MYO3B: variants seen among roughly 807,000 people sequenced by gnomAD.
MYO3B encodes myosin IIIB, also known as myosin-IIIb.
Under a neutral mutation model 174.6 loss-of-function variants are expected in MYO3B, and 156 were observed. The ratio of observed to expected loss-of-function variants is 0.89; its 90% CI spans 0.78 to 1.02. The LOEUF (loss-of-function observed/expected upper bound fraction) is 1.02. MYO3B is among the 50% of genes least tolerant of loss of function. The pLI is 0.00. For synonymous variants in MYO3B, 563 were observed against 569.1 expected (o/e 0.99, Z 0.15); for missense variants, 1,632 against 1,639.4 (o/e 1.00, Z 0.08).
In MYO3B at chr2:170,369,247, C is replaced by T. The variant is rs375096596; in HGVS notation, c.841C>T (p.Arg281Ter). The T allele has an allele frequency of 1.7e-5, 27 of 1,612,778 alleles. No homozygotes were observed. The highest frequency in any genetic ancestry group is 1.6e-4 in the Middle Eastern group (1 of 6,080). ...SQCLIKDFER[R>*]PSVTHLLDHP... ...GTGTCTTATTAAGGATTTTGAAAGG[C>T]GACCTTCCGTCACACATCTCCTTGA... The change falls in exon 9 of 35, where the codon CGA becomes TGA. Residue 281 changes from arginine (R) to a stop codon, truncating the protein, a stop_gained. Coordinates refer to ENST00000408978, the MANE Select transcript of MYO3B (RefSeq NM_138995.5). LOFTEE classifies it high-confidence loss of function.
At chr2:170,639,340 G>A (rs950023782) in intron 32 of MYO3B, among the ~76,000 whole-genome samples, 4 of 152,178 alleles carry the variant, frequency 2.6e-5, no homozygotes, top group Non-Finnish European at 5.9e-5. Context: ...TTTAAAAGCT[G>A]AGTTAATGCT....
At chr2:170,441,588 T>C (rs559969802) in intron 22 of MYO3B, among the ~76,000 whole-genome samples, 1 of 152,344 alleles carries the variant, frequency 6.6e-6, no homozygotes, top group Admixed American at 6.5e-5. Flanking sequence ...TTTATGGTTA[T>C]TTCTTGATTA....
At chr2:170,450,559 T>TC (rs1401751152) in intron 23 of MYO3B, among the ~76,000 whole-genome samples, 4 of 150,418 alleles carry the variant, frequency 2.7e-5, no homozygotes, top group African/African-American at 9.7e-5. Context: ...CTCTTCTCTC[T>TC]CCCCTCCCTT....
chr2:170,646,120 A>C (rs1016912976), intron 32 of MYO3B, among the ~76,000 whole-genome samples: 5 of 151,822 alleles, frequency 3.3e-5, no homozygotes, highest in African/African-American at 1.2e-4. Context: ...AAAAATACAA[A>C]ATTAGCCGGG....
At chr2:170,557,846 C>T (rs1251420452) in intron 32 of MYO3B, among the ~76,000 whole-genome samples, 1 of 152,180 alleles carries the variant, frequency 6.6e-6, no homozygotes, top group Non-Finnish European at 1.5e-5. Flanking sequence ...TTCCAGCCGT[C>T]TGCCCATTCT....
intron 12 of MYO3B, among the ~76,000 whole-genome samples, chr2:170,384,188 C>A (rs1574890032): frequency 6.6e-6 from 1 of 152,094 alleles, no homozygotes; most frequent in Admixed American, 6.6e-5. Context: ...CTATTAAGGT[C>A]TTAGAATTTT....
At chr2:170,609,542 G>T (rs6754542) in intron 32 of MYO3B, among the ~76,000 whole-genome samples, 29,883 of 152,122 alleles carry the variant, frequency 0.2, 3,657 homozygotes, top group East Asian at 0.43. Flanking sequence ...AGTTACTTAT[G>T]TGTAAGGACT....
At position 170,478,063 on chromosome 2, in the gene MYO3B, G is replaced by T. The variant is rs534398841; in HGVS notation, c.3014+11352G>T. ...AAAAGGAGCAGGATGAATGGCTAAG[G>T]CAGCCACGTCTCTACTATTTTTTAT... On this transcript the variant is annotated intron_variant, in intron 25 of 34. Coordinates refer to ENST00000408978, the MANE Select transcript of MYO3B (RefSeq NM_138995.5). Among the ~76,000 whole-genome samples, 3 of 152,274 alleles carry T rather than the reference G, an allele frequency of 2.0e-5. No individual in the cohort carries two copies. In the South Asian group the frequency reaches 6.2e-4, roughly 32 times the overall value.
chr2:170,408,999 A>G (rs1342879528), intron 22 of MYO3B, among the ~76,000 whole-genome samples: 2 of 152,184 alleles, frequency 1.3e-5, no homozygotes, highest in African/African-American at 4.8e-5. Context: ...TCCTTACCAG[A>G]GACCCAGGGA....
intron 8 of MYO3B, among the ~76,000 whole-genome samples, chr2:170,356,420 C>T (rs914472013): frequency 7.9e-5 from 12 of 150,964 alleles, no homozygotes; most frequent in East Asian, 2.0e-4. Context: ...TGGAGTACAA[C>T]GGCATGATCT....
chr2:170,453,435 CACACACACACACACACACGA>C (rs1371267856), intron 23 of MYO3B, among the ~76,000 whole-genome samples: 8 of 136,602 alleles, frequency 5.9e-5, no homozygotes, highest in African/African-American at 2.2e-4. Context: ...CACACACACA[CACACACACACACACACACGA>C]GAGAGAGAGA....
intron 7 of MYO3B, among the ~76,000 whole-genome samples, chr2:170,285,837 C>CT (rs2093552404): frequency 6.8e-6 from 1 of 147,576 alleles, no homozygotes; most frequent in South Asian, 2.1e-4. Flanking sequence ...TAAAGGTTTG[C>CT]TTTTCTCACT....
intron 22 of MYO3B, among the ~76,000 whole-genome samples, chr2:170,419,224 C>T (rs918785240): frequency 1.3e-5 from 2 of 152,162 alleles, no homozygotes; most frequent in African/African-American, 2.4e-5. Context: ...AGGATCAGGA[C>T]GTACTTTTCA....
chr2:170,470,057 G>A (rs367656220), intron 25 of MYO3B, among the ~76,000 whole-genome samples: 119 of 136,692 alleles, frequency 8.7e-4, no homozygotes, highest in African/African-American at 3.1e-3. Flanking sequence ...AGCCGAGATC[G>A]TGCCATTGCC....
At chr2:170,447,670 C>G (rs146667512) in intron 23 of MYO3B, among the ~76,000 whole-genome samples, 2 of 152,204 alleles carry the variant, frequency 1.3e-5, no homozygotes, top group East Asian at 1.9e-4. Context: ...ACTGCCTAGA[C>G]AGAGCCAATT....
At chr2:170,494,778 A>G (rs988629842) in intron 25 of MYO3B, among the ~76,000 whole-genome samples, 3 of 151,896 alleles carry the variant, frequency 2.0e-5, no homozygotes, top group African/African-American at 4.8e-5. Context: ...AAAGAAAAAG[A>G]AGTTACGTGG....
intron 5 of MYO3B, among the ~76,000 whole-genome samples, chr2:170,216,123 C>T (rs562626407): frequency 5.4e-3 from 82 of 15,108 alleles, no homozygotes; most frequent in African/African-American, 0.021. Context: ...AGAGAATGTC[C>T]GCAGTCATCC....
At chr2:170,209,799 T>A (rs189767761) in intron 3 of MYO3B, among the ~76,000 whole-genome samples, 1 of 152,340 alleles carries the variant, frequency 6.6e-6, no homozygotes, top group Admixed American at 6.5e-5. Flanking sequence ...ATTAGAATTT[T>A]AAAAATCCCA....
chr2:170,595,701 G>A (rs553847869), intron 32 of MYO3B, among the ~76,000 whole-genome samples: 17 of 152,240 alleles, frequency 1.1e-4, no homozygotes, highest in African/African-American at 2.6e-4. Flanking sequence ...GCCTCCCAAG[G>A]TGCTGGGATT....
Sources: gnomAD v4.1 joint callset for allele counts (sites outside exome capture counted in the v4.1 genomes callset) on GRCh38, gnomAD v4.1.1 for gene constraint, MANE v1.5 for transcripts, NCBI Gene and HGNC (gene_info 2026-07-23, HGNC 2026-07-21) for gene names.